DPF3: variants seen among roughly 807,000 people sequenced by gnomAD.
The protein encoded by DPF3 is double PHD fingers 3, also known as zinc finger protein DPF3.
Under a neutral mutation model 56.8 loss-of-function variants are expected in DPF3, and 18 were observed. That is an observed-to-expected ratio of 0.32 (90% CI 0.22 to 0.47). DPF3 has a LOEUF of 0.47. Ranked by LOEUF, DPF3 falls within the 20% of genes least tolerant of loss-of-function variation. DPF3 has a pLI of 1.00. For missense variants in DPF3, 403 were observed against 488.8 expected, an observed-to-expected ratio of 0.82 and a Z score of 1.65; for synonymous variants, 188 against 180.2, an observed-to-expected ratio of 1.04 and a Z score of -0.35.
chr14:72,789,930 C>T (rs1416009177), intron 1 of DPF3, among the ~76,000 whole-genome samples: 2 of 152,222 alleles, frequency 1.3e-5, no homozygotes, highest in Non-Finnish European at 2.9e-5. Context: ...CTTTTTCCAT[C>T]ACTCTGGCAC....
At chr14:72,788,937 G>A (rs554669832) in intron 1 of DPF3, among the ~76,000 whole-genome samples, 68 of 152,334 alleles carry the variant, frequency 4.5e-4, no homozygotes, top group African/African-American at 1.5e-3. Flanking sequence ...TTCACCTGAT[G>A]CCATCAGACC....
chr14:72,804,417 G>A (rs1338485313), intron 1 of DPF3, among the ~76,000 whole-genome samples: 1 of 152,132 alleles, frequency 6.6e-6, no homozygotes, highest in Non-Finnish European at 1.5e-5. Context: ...CACCCCACCA[G>A]GAGCAAACAA....
rs963242832 is a variant in DPF3, at chr14:72,612,106, C to T, written c.*7191G>A. 4.6e-5 allele frequency among the ~76,000 whole-genome samples: 7 copies of T among 152,160 alleles called. No individual in the cohort carries two copies. Among genetic ancestry groups the T allele is most frequent in the Non-Finnish European group, 8.8e-5 (6 of 68,032 alleles). On this transcript the variant is annotated 3_prime_UTR_variant, in exon 11 of 11. Transcript: ENST00000556509. The stretch of plus-strand genomic sequence containing the variant: ...CTGCCCTGCAATGATTCATGGCAGG[C>T]AAAAGATGGGTTCATTTTCCTTCAG...
At chr14:72,672,378 A>C (rs1053570318) in intron 8 of DPF3, among the ~76,000 whole-genome samples, 1 of 152,196 alleles carries the variant, frequency 6.6e-6, no homozygotes, top group African/African-American at 2.4e-5. Context: ...TCCAAGCTCC[A>C]TACTCTTCTC....
intron 10 of DPF3, among the ~76,000 whole-genome samples, chr14:72,619,580 A>C (rs1299775841): frequency 6.6e-6 from 1 of 152,160 alleles, no homozygotes; most frequent in Admixed American, 6.5e-5. Context: ...CCTCACTACT[A>C]GCGTCATGCC....
intron 1 of DPF3, chr14:72,835,948 TA>T: frequency 1.3e-6 from 1 of 768,888 alleles, no homozygotes; most frequent in Non-Finnish European, 1.6e-6. Flanking sequence ...CTTCGACACC[TA>T]AAACCTGTGC....
At chr14:72,723,115 C>CA (rs1034346329) in intron 5 of DPF3, among the ~76,000 whole-genome samples, 2 of 151,918 alleles carry the variant, frequency 1.3e-5, no homozygotes, top group Admixed American at 1.3e-4. Flanking sequence ...ATACATGTGC[C>CA]ATGTTGGTGT....
chr14:72,885,069 T>A (rs1348384560), intron 1 of DPF3, among the ~76,000 whole-genome samples: 1 of 137,706 alleles, frequency 7.3e-6, no homozygotes, highest in Non-Finnish European at 1.6e-5. Context: ...GAGCTTGCAG[T>A]GAGCCGAGAT....
intron 7 of DPF3, among the ~76,000 whole-genome samples, chr14:72,679,599 TC>T (rs1191062006): frequency 6.6e-6 from 1 of 152,022 alleles, no homozygotes; most frequent in Non-Finnish European, 1.5e-5. Context: ...TCTCGTTTGT[TC>T]CCCCCGCCAC....
chr14:72,813,691 C>T (rs1032909539), intron 1 of DPF3, among the ~76,000 whole-genome samples: 7 of 152,304 alleles, frequency 4.6e-5, no homozygotes, highest in African/African-American at 1.7e-4. Flanking sequence ...TGCTCACTAG[C>T]GGCTGACCCC....
At chr14:72,850,723 C>A (rs1335200043) in intron 1 of DPF3, among the ~76,000 whole-genome samples, 1 of 152,206 alleles carries the variant, frequency 6.6e-6, no homozygotes, top group Non-Finnish European at 1.5e-5. Context: ...AGATTATACA[C>A]CCTGAAGCTG....
chr14:72,696,527 A>G (rs1216943717), intron 6 of DPF3, among the ~76,000 whole-genome samples: 1 of 152,222 alleles, frequency 6.6e-6, no homozygotes, highest in Non-Finnish European at 1.5e-5. Flanking sequence ...CGCCTTCAAA[A>G]CATATTTGTT....
At chr14:72,866,732 T>C (rs888499705) in intron 1 of DPF3, among the ~76,000 whole-genome samples, 2 of 150,744 alleles carry the variant, frequency 1.3e-5, no homozygotes, top group African/African-American at 2.4e-5. Context: ...GGCACATGCC[T>C]GTAATCCCAG....
At position 72,615,900 on chromosome 14, in the gene DPF3, G is replaced by C. The variant is rs114680703; in HGVS notation, c.*3397C>G. Among the ~76,000 whole-genome samples the C allele has an allele frequency of 2.0e-3, 308 of 152,364 alleles. 3 individuals carry two copies. Among genetic ancestry groups the C allele is most frequent in the African/African-American group, 7.3e-3 (302 of 41,582 alleles). On this transcript the variant is annotated 3_prime_UTR_variant, in exon 11 of 11. Coordinates refer to ENST00000556509, the MANE Select transcript of DPF3 (RefSeq NM_001280542.3). ...TACAGGAAACAGGATTTCCACTTCC[G>C]GTTGGGTCTGGCAGCCTCACCTCTC... is the stretch of plus-strand genomic sequence containing the variant.
intron 8 of DPF3, among the ~76,000 whole-genome samples, chr14:72,655,653 C>T (rs2153568858): frequency 6.6e-6 from 1 of 152,336 alleles, no homozygotes; most frequent in Middle Eastern, 3.4e-3. Flanking sequence ...CACTTTTCAG[C>T]TCGTGGCTCA....
At chr14:72,661,064 T>C in intron 8 of DPF3, 1 of 985,454 alleles carries the variant, frequency 1.0e-6, no homozygotes, top group Non-Finnish European at 1.2e-6. Flanking sequence ...GGAAACAGAC[T>C]TTTTATTTAA....
intron 1 of DPF3, among the ~76,000 whole-genome samples, chr14:72,788,350 G>A (rs1157456592): frequency 6.6e-6 from 1 of 152,052 alleles, no homozygotes. Flanking sequence ...CAGAGGCTGT[G>A]GTCTGTGGGG....
At chr14:72,882,808 A>T (rs1480654694) in intron 1 of DPF3, among the ~76,000 whole-genome samples, 2 of 139,528 alleles carry the variant, frequency 1.4e-5, no homozygotes, top group Non-Finnish European at 3.1e-5. Flanking sequence ...CCCTCTCCCC[A>T]CTCCCCTCAC....
rs1367338092 is a variant in DPF3, at chr14:72,618,080, C to A, written c.*1217G>T. On this transcript the variant is annotated 3_prime_UTR_variant, in exon 11 of 11. Coordinates refer to ENST00000556509, the MANE Select transcript of DPF3 (RefSeq NM_001280542.3). ...CACATTTTTTTTTGAAAACAAGAGTCCTGCATGTTTGGGGAGCTTAGGAGA... is the reference window on the plus strand; with the variant it reads ...CACATTTTTTTTTGAAAACAAGAGTACTGCATGTTTGGGGAGCTTAGGAGA... Among the ~76,000 whole-genome samples, 1 of 151,912 alleles carries A rather than the reference C, an allele frequency of 6.6e-6. No homozygotes were observed. Among genetic ancestry groups the A allele is most frequent in the Non-Finnish European group, 1.5e-5 (1 of 68,006 alleles).
Sources: gnomAD v4.1 joint callset for allele counts (sites outside exome capture counted in the v4.1 genomes callset) on GRCh38, gnomAD v4.1.1 for gene constraint, MANE v1.5 for transcripts, NCBI Gene and HGNC (gene_info 2026-07-23, HGNC 2026-07-21) for gene names.